SUPT3H: variants seen among roughly 807,000 people sequenced by gnomAD.
SUPT3H encodes the protein SPT3 homolog, SAGA and STAGA complex component.
Under a neutral mutation model 44.3 loss-of-function variants are expected in SUPT3H, and 44 were observed. The ratio of observed to expected loss-of-function variants is 0.99; its 90% CI spans 0.78 to 1.28. SUPT3H has a LOEUF of 1.28. SUPT3H is among the 50% of genes most tolerant of loss of function. The probability of loss-of-function intolerance (pLI) is 0.00; values close to 1 mark genes in which losing one functional copy is unlikely to be tolerated. For missense variants in SUPT3H, 380 were observed against 387.1 expected, an observed-to-expected ratio of 0.98 and a Z score of 0.15; for synonymous variants, 124 against 125.6, an observed-to-expected ratio of 0.99 and a Z score of 0.09.
At chr6:44,981,302 T>C (rs1779061711) in intron 6 of SUPT3H, among the ~76,000 whole-genome samples, 1 of 152,154 alleles carries the variant, frequency 6.6e-6, no homozygotes, top group South Asian at 2.1e-4. Context: ...ACCTGGAAAA[T>C]ATTGCTTCAC....
At position 45,093,126 on chromosome 6, in the gene SUPT3H, T is replaced by C. The variant is rs73737881; in HGVS notation, c.186+12796A>G. Among the ~76,000 whole-genome samples, 595 of 152,146 alleles carry C rather than the reference T, an allele frequency of 3.9e-3. 7 individuals are homozygous for C. Among genetic ancestry groups the C allele is most frequent in the African/African-American group, 0.014 (567 of 41,500 alleles). On this transcript the variant is annotated intron_variant, in intron 3 of 10. Transcript: ENST00000371459. The stretch of plus-strand genomic sequence containing the variant: ...GATGTGAAGAGTTCATATCAGAATC[T>C]AAAGGGATAAAAATACATATTTTAC...
At chr6:45,211,920 T>C (rs1764160761) in intron 2 of SUPT3H, among the ~76,000 whole-genome samples, 2 of 150,126 alleles carry the variant, frequency 1.3e-5, no homozygotes, top group Non-Finnish European at 2.9e-5. Context: ...TCCTAGCACT[T>C]TGGGAGGCTG....
chr6:45,297,160 G>T (rs939999971), intron 2 of SUPT3H, among the ~76,000 whole-genome samples: 2 of 151,484 alleles, frequency 1.3e-5, no homozygotes, highest in African/African-American at 4.8e-5. Context: ...CAGACATCAT[G>T]AAGTTTAACT....
intron 2 of SUPT3H, among the ~76,000 whole-genome samples, chr6:45,137,076 G>A (rs1380765548): frequency 6.6e-6 from 1 of 151,956 alleles, no homozygotes. Context: ...TTTAAAAAGT[G>A]AAGACAAGAA....
rs1773418056 is a variant in SUPT3H at position 45,256,416 on chromosome 6, C to CCT, written c.101+108783_101+108784dup. Among the ~76,000 whole-genome samples the CCT allele has an allele frequency of 2.0e-5, 3 of 152,144 alleles. No individual in the cohort carries two copies. The South Asian group carries it at 6.2e-4, about 32-fold the overall frequency. ...CACATGGAGGAAGGGGTAAAGGCTC[C>CCT]CTCAAGCCTCTTTTATAAGGGTATT... is the stretch of plus-strand genomic sequence containing the variant. On this transcript the variant is annotated intron_variant, in intron 2 of 10. Transcript: ENST00000371459.
At chr6:45,031,691 T>C (rs1343208590) in intron 3 of SUPT3H, among the ~76,000 whole-genome samples, 2 of 152,148 alleles carry the variant, frequency 1.3e-5, no homozygotes, top group African/African-American at 2.4e-5. Context: ...ACCCTGGGTA[T>C]AGTTTTGGTT....
rs1410627209 is a variant in SUPT3H at position 45,013,811 on chromosome 6, G to A, written c.364+990C>T. On this transcript the variant is annotated intron_variant, in intron 5 of 10. Coordinates refer to ENST00000371459, the MANE Select transcript of SUPT3H (RefSeq NM_003599.4). ...TGTTGCCCTAGAATAAGAACTGGAG[G>A]GGCAAGCTACACTCACTCAGAGTAG... Among the ~76,000 whole-genome samples the A allele has an allele frequency of 4.6e-5, 7 of 151,986 alleles. 1 individual carries two copies. The South Asian group carries it at 1.5e-3, about 32-fold the overall frequency.
intron 2 of SUPT3H, among the ~76,000 whole-genome samples, chr6:45,221,224 G>A (rs572764538): frequency 6.6e-6 from 1 of 152,276 alleles, no homozygotes; most frequent in East Asian, 1.9e-4. Context: ...GGCCTGTCAT[G>A]GGGTGGGGGC....
intron 2 of SUPT3H, among the ~76,000 whole-genome samples, chr6:45,323,132 T>C (rs1486271936): frequency 1.1e-4 from 17 of 152,142 alleles, no homozygotes; most frequent in Non-Finnish European, 4.4e-5. Context: ...GGGGAATCCT[T>C]CATAAGTAAC....
chr6:45,118,657 GC>G (rs1372084414), intron 2 of SUPT3H, among the ~76,000 whole-genome samples: 1 of 152,010 alleles, frequency 6.6e-6, no homozygotes, highest in African/African-American at 2.4e-5. Context: ...CTTCCATTCA[GC>G]CAATGCCTTC....
chr6:45,158,467 C>T (rs1165810899), intron 2 of SUPT3H, among the ~76,000 whole-genome samples: 2 of 150,898 alleles, frequency 1.3e-5, no homozygotes, highest in Non-Finnish European at 2.9e-5. Flanking sequence ...AATCTTGGGC[C>T]CTAGAAGAAG....
intron 2 of SUPT3H, among the ~76,000 whole-genome samples, chr6:45,172,550 C>G (rs1283878421): frequency 6.7e-6 from 1 of 148,472 alleles, no homozygotes; most frequent in Non-Finnish European, 1.5e-5. Context: ...TGCCTGAAAA[C>G]AGGAAAAAAA....
intron 6 of SUPT3H, among the ~76,000 whole-genome samples, chr6:44,978,985 C>G (rs1434287091): frequency 6.6e-6 from 1 of 152,122 alleles, no homozygotes; most frequent in African/African-American, 2.4e-5. Flanking sequence ...AAAAGCAATC[C>G]TGTTAATATT....
chr6:45,288,559 A>G (rs1262688703), intron 2 of SUPT3H, among the ~76,000 whole-genome samples: 3,770 of 18,516 alleles, frequency 0.2, 262 homozygotes, highest in East Asian at 0.35. Flanking sequence ...ATATATATAT[A>G]TATATGTATA....
At chr6:45,363,445 ATTG>A (rs1297650675) in intron 2 of SUPT3H, among the ~76,000 whole-genome samples, 1 of 152,160 alleles carries the variant, frequency 6.6e-6, no homozygotes, top group Non-Finnish European at 1.5e-5. Context: ...AAACACAATT[ATTG>A]TTAAAGCCAG....
chr6:45,115,885 C>CA (rs1172477008), intron 2 of SUPT3H, among the ~76,000 whole-genome samples: 1 of 152,126 alleles, frequency 6.6e-6, no homozygotes, highest in Non-Finnish European at 1.5e-5. Context: ...GTAGCCATGG[C>CA]AATAAACAGC....
chr6:44,866,022 G>A (rs1420712918), intron 10 of SUPT3H, among the ~76,000 whole-genome samples: 1 of 150,930 alleles, frequency 6.6e-6, no homozygotes, highest in South Asian at 2.1e-4. Flanking sequence ...TTTCTCCTCA[G>A]AAACAGGTCT....
At chr6:45,275,416 T>G (rs1776855442) in intron 2 of SUPT3H, among the ~76,000 whole-genome samples, 1 of 152,234 alleles carries the variant, frequency 6.6e-6, no homozygotes, top group South Asian at 2.1e-4. Flanking sequence ...TCTAAATTTG[T>G]TCTTAAAAGT....
At chr6:45,226,822 C>T (rs1055369098) in intron 2 of SUPT3H, among the ~76,000 whole-genome samples, 1 of 151,900 alleles carries the variant, frequency 6.6e-6, no homozygotes, top group African/African-American at 2.4e-5. Flanking sequence ...AGCCACTGCG[C>T]CTGGCCAACA....
Sources: allele counts gnomAD v4.1 joint callset (sites outside exome capture counted in the v4.1 genomes callset), GRCh38; gene constraint gnomAD v4.1.1; transcripts MANE v1.5; gene names NCBI Gene and HGNC (gene_info 2026-07-23, HGNC 2026-07-21).